DRC1: variants seen among roughly 807,000 people sequenced by gnomAD.
DRC1 encodes the protein dynein regulatory complex subunit 1, also known as dynein regulatory complex protein 1.
DRC1 carries 74 observed loss-of-function variants against 98.7 expected under a neutral mutation model. That is an observed-to-expected ratio of 0.75 (90% CI 0.62 to 0.91). The LOEUF is 0.91. Among genes scored for constraint, DRC1 ranks in the 40% least tolerant of loss-of-function variants. DRC1 has a pLI of 0.00. For synonymous variants in DRC1, 336 were observed against 334.1 expected (o/e 1.01, Z -0.06); for missense variants, 875 against 886.0 (o/e 0.99, Z 0.16).
Position 26,453,864 on chromosome 2 carries a change from A to G in DRC1, c.1919+315A>G, listed in dbSNP as rs115364348. Among the ~76,000 whole-genome samples the G allele has an allele frequency of 0.018, 2,718 of 152,326 alleles. 78 individuals carry two copies. The highest frequency in any genetic ancestry group is 0.06 in the African/African-American group (2,485 of 41,570). ...GGTCAAAGCACATTCAAGGTGCACCATTGTTCAGAGGAGGAAGTGGCCGTT... is the reference window on the plus strand; with the variant it reads ...GGTCAAAGCACATTCAAGGTGCACCGTTGTTCAGAGGAGGAAGTGGCCGTT... On this transcript the variant is annotated intron_variant, in intron 14 of 16. Transcript: ENST00000288710.
chr2:26,446,533 T>C (rs1663856310), intron 10 of DRC1, among the ~76,000 whole-genome samples: 2 of 152,194 alleles, frequency 1.3e-5, no homozygotes, highest in African/African-American at 4.8e-5. Flanking sequence ...TTCATTCTAA[T>C]ACCTCCTCAT....
chr2:26,439,430 G>A (rs1663656006), intron 7 of DRC1, among the ~76,000 whole-genome samples: 1 of 152,122 alleles, frequency 6.6e-6, no homozygotes, highest in Non-Finnish European at 1.5e-5. Context: ...TTTCTCACTA[G>A]TGTTTTCCCA....
At chr2:26,450,223 T>A in intron 12 of DRC1, 138 bp downstream of exon 12, 1 of 759,102 alleles carries the variant, frequency 1.3e-6, no homozygotes, top group Non-Finnish European at 2.2e-6. Flanking sequence ...ATCCTTCCCT[T>A]AACCTACTCT....
chr2:26,448,930 G>A (rs1663931221), intron 11 of DRC1, 127 bp downstream of exon 11: 2 of 950,920 alleles, frequency 2.1e-6, no homozygotes, highest in Admixed American at 2.2e-5. Context: ...CCCAGGGTTG[G>A]GCCCTGAGGA....
chr2:26,450,585 G>A lies in DRC1; in HGVS notation c.1600-7G>A, dbSNP rs780039487. The A allele has an allele frequency of 2.1e-5, 34 of 1,605,500 alleles. No homozygotes were observed. In the Admixed American group the frequency reaches 2.4e-4, roughly 11 times the overall value. Reference sequence around the variant, plus strand: ...TGTTTGAGCAACCATCCTGTTTTTCGCCCCAGGCCCTTGGAATTGAAAGTG... The same window carrying A: ...TGTTTGAGCAACCATCCTGTTTTTCACCCCAGGCCCTTGGAATTGAAAGTG... On this transcript the variant is annotated splice_region_variant and splice_polypyrimidine_tract_variant and intron_variant, in intron 12 of 16. Coordinates refer to ENST00000288710, the MANE Select transcript of DRC1 (RefSeq NM_145038.5).
chr2:26,409,242 T>C (rs1171833678), intron 1 of DRC1, among the ~76,000 whole-genome samples: 1 of 152,208 alleles, frequency 6.6e-6, no homozygotes, highest in East Asian at 1.9e-4. Flanking sequence ...CATCAGCTTG[T>C]TTTTAATGTT....
At chr2:26,407,120 G>A (rs1222225049) in intron 1 of DRC1, among the ~76,000 whole-genome samples, 4 of 151,950 alleles carry the variant, frequency 2.6e-5, no homozygotes, top group African/African-American at 7.3e-5. Context: ...ACACCCAGCC[G>A]GGAGATGTCA....
intron 2 of DRC1, among the ~76,000 whole-genome samples, chr2:26,419,981 C>G (rs1192203502): frequency 6.6e-6 from 1 of 152,202 alleles, no homozygotes. Flanking sequence ...TTAGCTGCAG[C>G]AGGACAGAAG....
intron 16 of DRC1, among the ~76,000 whole-genome samples, chr2:26,455,489 C>T (rs1268209322): frequency 6.6e-6 from 1 of 152,236 alleles, no homozygotes; most frequent in African/African-American, 2.4e-5. Context: ...CAGTGGCCAG[C>T]TGGGACTGCT....
Position 26,453,545 on chromosome 2 carries a change from C to A in DRC1, c.1915C>A (p.Pro639Thr), listed in dbSNP as rs1360402475. The A allele has an allele frequency of 1.2e-6, 2 of 1,612,748 alleles. No homozygotes were observed. The highest frequency in any genetic ancestry group is 1.7e-6 in the Non-Finnish European group (2 of 1,179,200). The change falls in exon 14 of 17, where the codon CCT (proline) becomes ACT (threonine). Residue 639 changes from proline to threonine, a missense_variant. Transcript: ENST00000288710. The part of the protein sequence containing the change: ...LEAFVMGLKK[P>T]RDSRAPLRVQ... ...GGCCTTCGTCATGGGTCTGAAGAAG[C>A]CTAGGTGGGCTGCGGGGCTGGAAGG...
At chr2:26,428,942 T>C (rs976546825) in intron 4 of DRC1, among the ~76,000 whole-genome samples, 1 of 152,230 alleles carries the variant, frequency 6.6e-6, no homozygotes, top group East Asian at 1.9e-4. Flanking sequence ...AGTTAAGGAA[T>C]GCAACTTAGT....
chr2:26,432,602 A>AG (rs1663464628), intron 7 of DRC1, among the ~76,000 whole-genome samples: 1 of 49,144 alleles, frequency 2.0e-5, no homozygotes, highest in Non-Finnish European at 5.1e-5. Flanking sequence ...AAAGAAAGAA[A>AG]AAAAAAGAAA....
intron 3 of DRC1, among the ~76,000 whole-genome samples, chr2:26,423,332 G>T (rs1360970597): frequency 6.6e-6 from 1 of 152,140 alleles, no homozygotes; most frequent in Non-Finnish European, 1.5e-5. Context: ...TGGAAGGTGG[G>T]GTGGGTGGGG....
At chr2:26,428,833 C>T (rs1253452489) in intron 4 of DRC1, among the ~76,000 whole-genome samples, 1 of 152,160 alleles carries the variant, frequency 6.6e-6, no homozygotes, top group Non-Finnish European at 1.5e-5. Flanking sequence ...TCCTATGGGA[C>T]CACTGTCGTA....
At chr2:26,424,562 A>G in intron 4 of DRC1, 108 bp downstream of exon 4, 3 of 1,098,484 alleles carry the variant, frequency 2.7e-6, no homozygotes, top group Non-Finnish European at 3.9e-6. Flanking sequence ...CTTTTACTTC[A>G]TTATTTAGAA....
intron 7 of DRC1, among the ~76,000 whole-genome samples, chr2:26,438,110 A>T (rs1016347871): frequency 6.2e-4 from 93 of 149,646 alleles, no homozygotes; most frequent in African/African-American, 2.3e-3. Flanking sequence ...AAAAAAAAAA[A>T]AGGATTCTGT....
At chr2:26,450,551 T>G (rs752324884) in intron 12 of DRC1, 41 bp from the exon 13 acceptor site, 1 of 1,594,014 alleles carries the variant, frequency 6.3e-7, no homozygotes, top group Non-Finnish European at 8.6e-7. Context: ...CCGTGGCCTC[T>G]TGATGGGGTG....
At position 26,430,783 on chromosome 2, in the gene DRC1, T is replaced by C. The variant is rs765993536; in HGVS notation, c.679-3T>C. ...CAAGAGTGTTTTTCCTTCTTGGTCG[T>C]AGAAAGCATTTGAGGTGGAACGCCA... On this transcript the variant is annotated splice_polypyrimidine_tract_variant and splice_region_variant and intron_variant, in intron 5 of 16. Transcript: ENST00000288710. 41 of 1,613,812 alleles carry C rather than the reference T, an allele frequency of 2.5e-5. 2 individuals are homozygous for C. In the South Asian group the frequency reaches 4.2e-4, roughly 16 times the overall value.
rs377178663 is a variant in DRC1, at chr2:26,448,820, G to A, written c.1509+17G>A. On this transcript the variant is annotated intron_variant, in intron 11 of 16. Transcript: ENST00000288710. ...GACGAGTCGGTGAGGCCAGGCGGGG[G>A]CTGCAGCAGAGGGACTCACGGGGGT... 29 of 1,612,098 alleles carry A rather than the reference G, an allele frequency of 1.8e-5. No homozygotes were observed. In the African/African-American group the frequency reaches 3.2e-4, roughly 18 times the overall value.
Sources: gnomAD v4.1 joint callset for allele counts (sites outside exome capture counted in the v4.1 genomes callset) on GRCh38, gnomAD v4.1.1 for gene constraint, MANE v1.5 for transcripts, NCBI Gene and HGNC (gene_info 2026-07-23, HGNC 2026-07-21) for gene names.